The following ABHD12 variants were observed in gnomAD, a reference collection of about 807,000 sequenced individuals.
ABHD12 encodes abhydrolase domain containing 12, lysophospholipase, also known as lysophosphatidylserine lipase ABHD12.
ABHD12 carries 43 observed loss-of-function variants against 58.3 expected under a neutral mutation model. The observed-to-expected ratio is 0.74, with a 90% CI of 0.58 to 0.95. The LOEUF is 0.95. Among genes scored for constraint, ABHD12 ranks in the 40% least tolerant of loss-of-function variants. The probability of loss-of-function intolerance (pLI) is 0.00; values close to 1 mark genes in which losing one functional copy is unlikely to be tolerated. For missense variants in ABHD12, 539 were observed against 537.2 expected (o/e 1.00, Z -0.03); for synonymous variants, 219 against 211.2 (o/e 1.04, Z -0.32).
chr20:25,390,437 C>A (rs1377626187), intron 1 of ABHD12, 76 bp downstream of exon 1: 8 of 1,303,436 alleles, frequency 6.1e-6, no homozygotes, highest in Non-Finnish European at 7.8e-6. Context: ...GGAGGTACCG[C>A]GGCCCCCTGC....
intron 4 of ABHD12, among the ~76,000 whole-genome samples, chr20:25,317,537 T>A (rs1324816130): frequency 2.0e-5 from 3 of 152,194 alleles, no homozygotes; most frequent in African/African-American, 7.2e-5. Flanking sequence ...TGGCCTCTCA[T>A]GGTCATCTTG....
chr20:25,309,878 T>C (rs2088816601), intron 6 of ABHD12, among the ~76,000 whole-genome samples: 1 of 152,182 alleles, frequency 6.6e-6, no homozygotes. Flanking sequence ...GAGCTGCACA[T>C]TTGAATGGCA....
chr20:25,302,491 A>T (rs570352851), intron 11 of ABHD12, 145 bp from the exon 12 acceptor site: 1 of 1,105,482 alleles, frequency 9.0e-7, no homozygotes, highest in African/African-American at 1.5e-5. Flanking sequence ...GGTCACGACC[A>T]GGAGGCCCGG....
intron 1 of ABHD12, among the ~76,000 whole-genome samples, chr20:25,380,391 G>A (rs570618904): frequency 1.5e-4 from 23 of 152,246 alleles, no homozygotes. Context: ...GCTGCCTGAA[G>A]TTGTCCTATG....
intron 2 of ABHD12, 136 bp from the exon 3 acceptor site, chr20:25,323,566 C>G: frequency 1.4e-6 from 1 of 704,894 alleles, no homozygotes; most frequent in Non-Finnish European, 2.6e-6. Flanking sequence ...CCCACATGCA[C>G]ACACTGCAGA....
chr20:25,356,819 C>G (rs2089674855), intron 1 of ABHD12, among the ~76,000 whole-genome samples: 1 of 152,148 alleles, frequency 6.6e-6, no homozygotes, highest in South Asian at 2.1e-4. Flanking sequence ...GCGAGGCAGG[C>G]ATCTCGAATG....
At chr20:25,379,775 CCAGAGTGCAGTGGCTTGATCATGGCTCA>C (rs2090001143) in intron 1 of ABHD12, among the ~76,000 whole-genome samples, 1 of 151,998 alleles carries the variant, frequency 6.6e-6, no homozygotes, top group African/African-American at 2.4e-5. Flanking sequence ...GTTGCCCAGA[CCAGAGTGCAGTGGCTTGATCATGGCTCA>C]CACAGTCTTG....
chr20:25,341,175 G>A (rs554092290), intron 1 of ABHD12, among the ~76,000 whole-genome samples: 16 of 152,328 alleles, frequency 1.1e-4, no homozygotes, highest in Non-Finnish European at 1.8e-4. Context: ...GATGGCGCCC[G>A]CACTTGTGCT....
At chr20:25,380,799 C>T (rs2090013371) in intron 1 of ABHD12, among the ~76,000 whole-genome samples, 1 of 152,150 alleles carries the variant, frequency 6.6e-6, no homozygotes, top group African/African-American at 2.4e-5. Flanking sequence ...CTGTCACAGC[C>T]ATGGTCAGGT....
At chr20:25,379,286 T>A (rs888936226) in intron 1 of ABHD12, among the ~76,000 whole-genome samples, 4 of 152,180 alleles carry the variant, frequency 2.6e-5, no homozygotes, top group African/African-American at 9.7e-5. Context: ...ACATTAAATG[T>A]CAGAAAGACG....
downstream of ABHD12, chr20:25,297,688 T>G (rs528743802): frequency 1.3e-5 from 2 of 152,390 alleles, no homozygotes; most frequent in Admixed American, 6.5e-5. Context: ...TGTCCTTCCC[T>G]GTGGAATTGC....
intron 6 of ABHD12, among the ~76,000 whole-genome samples, chr20:25,313,030 C>T (rs2088890598): frequency 6.6e-6 from 1 of 151,992 alleles, no homozygotes; most frequent in South Asian, 2.1e-4. Flanking sequence ...CCCGGCTGCC[C>T]CTTCTGGGAA....
intron 1 of ABHD12, among the ~76,000 whole-genome samples, chr20:25,370,773 C>A (rs1446700587): frequency 1.3e-5 from 2 of 152,010 alleles, no homozygotes; most frequent in Non-Finnish European, 2.9e-5. Flanking sequence ...ACACGTAAAG[C>A]GCTTAAGGAA....
Position 25,390,748 on chromosome 20 carries a change from C to CCGCCTGT in ABHD12, c.-46_-45insACAGGCG, listed in dbSNP as rs71183397. ...GCCGCCGACGGCGCCCGCTGGCCTG[C>CCGCCTGT]GCCGCAGTGCCGCCGCTCACAGCCG... On this transcript the variant is annotated 5_prime_UTR_variant, in exon 1 of 13. Coordinates refer to ENST00000339157, the MANE Select transcript of ABHD12 (RefSeq NM_001042472.3). 3.3e-6 allele frequency: 4 copies of CCGCCTGT among 1,223,592 alleles called. No individual in the cohort carries two copies. The highest frequency in any genetic ancestry group is 1.6e-5 in the African/African-American group (1 of 62,362). 75.8% of individuals were successfully genotyped at this position (1,223,592 alleles called of 1,614,324 possible). A position where few individuals can be genotyped will look rare whatever the true frequency, so the allele number is the denominator to read the frequency against.
chr20:25,350,549 A>G (rs1346605123), intron 1 of ABHD12, among the ~76,000 whole-genome samples: 3 of 152,320 alleles, frequency 2.0e-5, no homozygotes, highest in African/African-American at 7.2e-5. Flanking sequence ...GCCTTCCACC[A>G]TGATAGTGAG....
chr20:25,361,017 C>T (rs936220994), intron 1 of ABHD12, among the ~76,000 whole-genome samples: 11 of 152,242 alleles, frequency 7.2e-5, no homozygotes, highest in African/African-American at 2.2e-4. Context: ...CCCCAGCCAT[C>T]TTCCGCAGCT....
intron 1 of ABHD12, among the ~76,000 whole-genome samples, chr20:25,387,590 T>TA (rs57449867): frequency 3.0e-4 from 34 of 113,046 alleles, no homozygotes; most frequent in East Asian, 2.4e-3. Flanking sequence ...TCATCTCTAT[T>TA]AAAAAAAAAA....
intron 1 of ABHD12, among the ~76,000 whole-genome samples, chr20:25,381,095 T>A (rs1313437870): frequency 6.6e-6 from 1 of 152,116 alleles, no homozygotes; most frequent in African/African-American, 2.4e-5. Context: ...CCGGTCTCCC[T>A]GCTTGCCCAC....
chr20:25,390,793 G>T lies in ABHD12; in HGVS notation c.-90C>A. 3.3e-6 allele frequency: 3 copies of T among 905,004 alleles called. No individual in the cohort carries two copies. The highest frequency in any genetic ancestry group is 4.0e-5 in the East Asian group (1 of 24,828). The allele number at this position is 905,004 out of a possible 1,614,324, so 56.1% of individuals were successfully genotyped here. A position where few individuals can be genotyped will look rare whatever the true frequency, so the allele number is the denominator to read the frequency against. On this transcript the variant is annotated 5_prime_UTR_variant, in exon 1 of 13. Coordinates refer to ENST00000339157, the MANE Select transcript of ABHD12 (RefSeq NM_001042472.3). ...CAGCCGCCGCCACCCAGAGCCCGGA[G>T]CCCGGAACCCGCCGCTCCTCACATC... is the stretch of plus-strand genomic sequence containing the variant.
Sources: allele counts gnomAD v4.1 joint callset (sites outside exome capture counted in the v4.1 genomes callset), GRCh38; gene constraint gnomAD v4.1.1; transcripts MANE v1.5; gene names NCBI Gene and HGNC (gene_info 2026-07-23, HGNC 2026-07-21).